The following MED23 variants were observed in gnomAD, a reference collection of about 807,000 sequenced individuals.
The protein encoded by MED23 is mediator complex subunit 23.
In MED23, 105 loss-of-function variants were observed where a neutral mutation model predicts 163.9. That is an observed-to-expected ratio of 0.64 (90% confidence interval 0.55 to 0.75). The LOEUF is 0.75. Ranked by LOEUF, MED23 falls within the 30% of genes least tolerant of loss-of-function variation. The pLI, the probability that MED23 is intolerant of heterozygous loss-of-function variation, is 0.00. For synonymous variants in MED23, 561 were observed against 565.6 expected, an observed-to-expected ratio of 0.99 and a Z score of 0.12; for missense variants, 1,054 against 1,649.0, an observed-to-expected ratio of 0.64 and a Z score of 6.25.
chr6:131,586,890 A>G lies in MED23; in HGVS notation c.*789T>C. 1 of 1,451,558 alleles carries G rather than the reference A, an allele frequency of 6.9e-7. No homozygotes were observed. The highest frequency in any genetic ancestry group is 9.3e-7 in the Non-Finnish European group (1 of 1,072,384). The allele number at this position is 1,451,558 out of a possible 1,614,324, so 89.9% of individuals were successfully genotyped here. A position where few individuals can be genotyped will look rare whatever the true frequency, so the allele number is the denominator to read the frequency against. On this transcript the variant is annotated 3_prime_UTR_variant, in exon 29 of 29. Coordinates refer to ENST00000368068, the MANE Select transcript of MED23 (RefSeq NM_004830.4). ...AAATATAAAATTTAAAAATTTTAAG[A>G]TTATAAAAATTGAAGAATTACATCA... is the stretch of plus-strand genomic sequence containing the variant.
chr6:131,584,715 G>A (rs1476648536), downstream of MED23, among the ~76,000 whole-genome samples: 1 of 151,808 alleles, frequency 6.6e-6, no homozygotes, highest in Non-Finnish European at 1.5e-5. Flanking sequence ...GGATGTGGTG[G>A]CTCACACCTG....
At position 131,587,673 on chromosome 6, in the gene MED23, C is replaced by T. The variant is rs1452608631; in HGVS notation, c.*6G>A. The T allele has an allele frequency of 6.2e-7, 1 of 1,614,076 alleles. No individual in the cohort carries two copies. Among genetic ancestry groups the T allele is most frequent in the South Asian group, 1.1e-5 (1 of 91,056 alleles). ...ATTTCTACTTTCTCCACAGTACAGTCTGGCTTCACTGAGTTACTGGTAAAG... is the reference window on the plus strand; with the variant it reads ...ATTTCTACTTTCTCCACAGTACAGTTTGGCTTCACTGAGTTACTGGTAAAG... On this transcript the variant is annotated 3_prime_UTR_variant, in exon 29 of 29. Coordinates refer to ENST00000368068, the MANE Select transcript of MED23 (RefSeq NM_004830.4).
chr6:131,609,506 C>CTTT (rs71030751), intron 11 of MED23, among the ~76,000 whole-genome samples: 40 of 98,002 alleles, frequency 4.1e-4, no homozygotes, highest in South Asian at 7.2e-4. Flanking sequence ...GAGACTATTC[C>CTTT]TTTTTTTTTT....
At chr6:131,603,505 T>C (rs1775635094) in intron 15 of MED23, among the ~76,000 whole-genome samples, 2 of 152,134 alleles carry the variant, frequency 1.3e-5, no homozygotes, top group African/African-American at 4.8e-5. Context: ...TCTGATATCT[T>C]TTATTTTTAG....
At chr6:131,579,626 C>T (rs1272822105) in intron 30 of MED23, 1 of 185,542 alleles carries the variant, frequency 5.4e-6, no homozygotes, top group Non-Finnish European at 1.1e-5. Context: ...ATATACAACT[C>T]ATATAGGTCA....
Position 131,590,446 on chromosome 6 carries a change from A to T in MED23, c.3687-4T>A. ...AAGAAGTACTTCAGTAAGAAACCTA[A>T]AATTTGAAGATAAAAATCTCCTGTG... On this transcript the variant is annotated splice_region_variant and splice_polypyrimidine_tract_variant and intron_variant, in intron 26 of 28. Transcript: ENST00000368068. 1 of 1,599,874 alleles carries T rather than the reference A, an allele frequency of 6.3e-7. No individual in the cohort carries two copies. The highest frequency in any genetic ancestry group is 8.6e-7 in the Non-Finnish European group (1 of 1,168,008).
Position 131,596,105 on chromosome 6 carries a change from T to A in MED23, c.2837A>T (p.Gln946Leu). The part of the protein sequence containing the change: ...GLAEQVDPPV[Q>L]IQSPYLPIYF... ...GATGGGCAGATAGGGAGACTGGATC[T>A]GTACAGGAGGATCCACCTGTTCCGC... Residue 946 changes from glutamine (Q) to leucine (L), a missense_variant, in exon 22 of 29, where the codon CAG becomes CTG. By Grantham distance (113) the Gln-to-Leu change is moderately radical. Coordinates refer to ENST00000368068, the MANE Select transcript of MED23 (RefSeq NM_004830.4). 1.2e-6 allele frequency: 2 copies of A among 1,614,170 alleles called. No homozygotes were observed. Among genetic ancestry groups the A allele is most frequent in the Non-Finnish European group, 1.7e-6 (2 of 1,180,004 alleles).
chr6:131,618,123 A>G (rs187867953), intron 9 of MED23, among the ~76,000 whole-genome samples: 17 of 151,964 alleles, frequency 1.1e-4, no homozygotes, highest in Admixed American at 6.5e-4. Flanking sequence ...AAATGTGAGG[A>G]CTTAATCAAG....
chr6:131,576,620 G>A (rs1208676360), intron 30 of MED23: 2 of 1,549,388 alleles, frequency 1.3e-6, no homozygotes, highest in South Asian at 1.1e-5. Flanking sequence ...AGCATCTGAT[G>A]GTCATGATAA....
At chr6:131,602,935 A>G in intron 16 of MED23, 95 bp downstream of exon 16, 4 of 1,324,188 alleles carry the variant, frequency 3.0e-6, no homozygotes, top group East Asian at 4.7e-5. Context: ...AATAATAAAA[A>G]AAAAAACTAT....
Position 131,609,506 on chromosome 6 carries a change from CTTTTTTTT to C in MED23, c.1077+532_1077+539del, listed in dbSNP as rs71030751. Among the ~76,000 whole-genome samples the C allele has an allele frequency of 3.1e-5, 3 of 98,022 alleles. No individual in the cohort carries two copies. The East Asian group carries it at 8.9e-4, about 29-fold the overall frequency. The allele number at this position is 98,022 out of a possible 152,430, so 64.3% of individuals were successfully genotyped here. The stretch of plus-strand genomic sequence containing the variant: ...CTGATATTTCTGATAGAGACTATTC[CTTTTTTTT>C]TTTTTTTTTTTTTTTTGACACAGAG... On this transcript the variant is annotated intron_variant, in intron 11 of 28. Transcript: ENST00000368068.
chr6:131,596,617 T>C lies in MED23; in HGVS notation c.2679A>G (p.Pro893=), dbSNP rs1775066557. 12 of 1,614,214 alleles carry C rather than the reference T, an allele frequency of 7.4e-6. No homozygotes were observed. In the East Asian group the frequency reaches 2.7e-4, roughly 36 times the overall value. ...CACTTACTCGATTTCTAAAATCGTT[T>C]GGTTTGAGTAACAGCAACTGAATTA... ...YFIIQLLLLK[P]NDFRNRVSDF... is the part of the protein sequence containing the mutation. The change falls in exon 21 of 29, where the codon CCA becomes CCG. Residue 893 remains proline (P), a synonymous_variant. Transcript: ENST00000368068.
downstream of MED23, chr6:131,583,970 C>T: frequency 6.4e-7 from 1 of 1,571,382 alleles, no homozygotes; most frequent in Non-Finnish European, 8.7e-7. Context: ...TAATCATTTT[C>T]TTAAGCATAG....
At chr6:131,605,555 A>T (rs1775794789) in intron 13 of MED23, 70 bp from the exon 14 acceptor site, 1 of 1,360,954 alleles carries the variant, frequency 7.3e-7, no homozygotes, top group African/African-American at 1.5e-5. Flanking sequence ...GTATTTTTTT[A>T]AAAGTTCAAT....
intron 30 of MED23, among the ~76,000 whole-genome samples, chr6:131,577,106 A>G (rs1477868798): frequency 6.6e-6 from 1 of 152,218 alleles, no homozygotes; most frequent in African/African-American, 2.4e-5. Context: ...AAATAAAATA[A>G]AACAGTAATA....
chr6:131,616,234 G>A (rs1776680286), intron 9 of MED23, among the ~76,000 whole-genome samples: 1 of 152,036 alleles, frequency 6.6e-6, no homozygotes, highest in African/African-American at 2.4e-5. Flanking sequence ...GTCATACAGA[G>A]GGTAACAATA....
intron 25 of MED23, 150 bp downstream of exon 25, chr6:131,592,238 A>T: frequency 1.4e-6 from 1 of 707,208 alleles, no homozygotes; most frequent in Non-Finnish European, 2.4e-6. Flanking sequence ...AAGCAGTAAT[A>T]ATATGAAAAA....
At position 131,581,452 on chromosome 6, in the gene MED23, GA is replaced by G; in HGVS notation, c.4095+6256del. On this transcript the variant is annotated intron_variant, in intron 30 of 30. Coordinates refer to the MED23 transcript ENST00000354577. ...CATTCAGGAGGTGGAAGGGAAATGA[GA>G]AACTCCATGTTATCTTATTCTTGGT... 3 of 1,439,084 alleles carry G rather than the reference GA, an allele frequency of 2.1e-6. No homozygotes were observed. The South Asian group carries it at 3.7e-5, about 18-fold the overall frequency. 89.1% of individuals were successfully genotyped at this position (1,439,084 alleles called of 1,614,324 possible). A position where few individuals can be genotyped will look rare whatever the true frequency, so the allele number is the denominator to read the frequency against.
rs1775270501 is a variant in MED23, at chr6:131,598,963, A to G, written c.2221-202T>C. On this transcript the variant is annotated intron_variant, in intron 18 of 28. Coordinates refer to ENST00000368068, the MANE Select transcript of MED23 (RefSeq NM_004830.4). The surrounding 1 kb of genome is among the most constrained non-coding windows in gnomAD (Gnocchi z 4.7). ...TTATCTCCAAGATTCCTTTTCCTAGATTTCCTAAATGGAAATTCTAAGTAA... is the reference window on the plus strand; with the variant it reads ...TTATCTCCAAGATTCCTTTTCCTAGGTTTCCTAAATGGAAATTCTAAGTAA... Among the ~76,000 whole-genome samples the G allele has an allele frequency of 6.6e-6, 1 of 152,184 alleles. No homozygotes were observed. The highest frequency in any genetic ancestry group is 2.4e-5 in the African/African-American group (1 of 41,450).
Sources: allele counts gnomAD v4.1 joint callset (sites outside exome capture counted in the v4.1 genomes callset), GRCh38; gene constraint gnomAD v4.1.1; non-coding constraint Gnocchi (gnomAD v3.1); transcripts MANE v1.5; gene names NCBI Gene and HGNC (gene_info 2026-07-23, HGNC 2026-07-21).